The following SMARCAD1 variants were observed in gnomAD, a reference collection of about 807,000 sequenced individuals.
SMARCAD1 encodes the protein SNF2 related chromatin remodeling ATPase with DExD box 1, also known as SWI/SNF-related matrix-associated actin-dependent regulator of chromatin subfamily A containing DEAD/H box 1.
Under a neutral mutation model 127.1 loss-of-function variants are expected in SMARCAD1, and 25 were observed. That is an observed-to-expected ratio of 0.20 (90% confidence interval 0.14 to 0.27). The LOEUF (loss-of-function observed/expected upper bound fraction) is 0.27, where lower values mean the gene tolerates loss of function less well. SMARCAD1 is among the 10% of genes least tolerant of loss of function. SMARCAD1 has a pLI of 1.00. For missense variants in SMARCAD1, 807 were observed against 1,206.0 expected (o/e 0.67, Z 4.90); for synonymous variants, 400 against 396.9 (o/e 1.01, Z -0.09).
intron 2 of SMARCAD1, among the ~76,000 whole-genome samples, chr4:94,220,155 TAAAC>T (rs1419666465): frequency 6.6e-6 from 1 of 152,228 alleles, no homozygotes; most frequent in Non-Finnish European, 1.5e-5. Flanking sequence ...ATAGTCCAGA[TAAAC>T]AAATCTAAGT....
In SMARCAD1 at chr4:94,239,536, C is replaced by T. The variant is rs74464412; in HGVS notation, c.605-1370C>T. 3.3e-3 allele frequency among the ~76,000 whole-genome samples: 488 copies of T among 149,690 alleles called. 1 individual carries two copies. The highest frequency in any genetic ancestry group is 0.011 in the African/African-American group (461 of 40,888). On this transcript the variant is annotated intron_variant, in intron 5 of 23. Coordinates refer to ENST00000354268, the MANE Select transcript of SMARCAD1 (RefSeq NM_020159.5). The stretch of plus-strand genomic sequence containing the variant: ...AGAGTACGAATTTATTGATGTTGTC[C>T]GGAGTCTCTCTAGCTGCCCTGTTGT...
At chr4:94,231,072 G>A (rs1364119646) in intron 3 of SMARCAD1, among the ~76,000 whole-genome samples, 1 of 152,138 alleles carries the variant, frequency 6.6e-6, no homozygotes, top group Non-Finnish European at 1.5e-5. Flanking sequence ...GTTGTTGTGC[G>A]AAAGATGTAA....
intron 23 of SMARCAD1, among the ~76,000 whole-genome samples, chr4:94,288,272 T>G (rs976661675): frequency 6.6e-6 from 1 of 152,180 alleles, no homozygotes; most frequent in East Asian, 1.9e-4. Context: ...CTTAATGTCT[T>G]TTATAGCTTT....
At chr4:94,245,077 C>G (rs1333977358) in intron 6 of SMARCAD1, among the ~76,000 whole-genome samples, 1 of 152,040 alleles carries the variant, frequency 6.6e-6, no homozygotes, top group Non-Finnish European at 1.5e-5. Context: ...CAGAAAATTG[C>G]CTTTGACTTG....
chr4:94,279,113 G>C, intron 19 of SMARCAD1, 63 bp downstream of exon 19: 1 of 1,606,384 alleles, frequency 6.2e-7, no homozygotes, highest in Non-Finnish European at 8.5e-7. Context: ...TAGGCTATAA[G>C]ATTGGTGAAC....
intron 6 of SMARCAD1, among the ~76,000 whole-genome samples, chr4:94,242,758 A>AAAT (rs1553916481): frequency 1.3e-5 from 2 of 150,266 alleles, no homozygotes; most frequent in African/African-American, 2.5e-5. Context: ...AAAAAAAAAA[A>AAAT]TTTTTTTAAT....
chr4:94,274,027 G>A (rs1403094357), intron 12 of SMARCAD1, among the ~76,000 whole-genome samples: 2 of 152,146 alleles, frequency 1.3e-5, no homozygotes, highest in Non-Finnish European at 2.9e-5. Context: ...ACTTTTAAAT[G>A]TAGAATTAAA....
intron 6 of SMARCAD1, among the ~76,000 whole-genome samples, chr4:94,247,969 G>A (rs1474375986): frequency 6.6e-6 from 1 of 152,074 alleles, no homozygotes; most frequent in Non-Finnish European, 1.5e-5. Flanking sequence ...GTACTCCATA[G>A]GTAGTTTTCC....
Position 94,207,965 on chromosome 4 carries a change from T to G in SMARCAD1, c.-155T>G. 2.8e-6 allele frequency: 1 copy of G among 363,150 alleles called. No homozygotes were observed. Among genetic ancestry groups the G allele is most frequent in the South Asian group, 2.1e-5 (1 of 48,080 alleles). 22.5% of individuals were successfully genotyped at this position (363,150 alleles called of 1,614,324 possible). The stretch of plus-strand genomic sequence containing the variant: ...GTGTCGAGGCGCGGGCCCTGGCAGG[T>G]CCTTTCTCGAGGCAGGGGGCACGGT... On this transcript the variant is annotated 5_prime_UTR_variant, in exon 1 of 24. Transcript: ENST00000354268.
At chr4:94,255,755 G>GCACATTACCCACAA (rs1418187146) in intron 9 of SMARCAD1, among the ~76,000 whole-genome samples, 8 of 132,264 alleles carry the variant, frequency 6.0e-5, no homozygotes, top group South Asian at 2.7e-4. Flanking sequence ...TTTTTTTAAA[G>GCACATTACCCACAA]TATATTACCT....
chr4:94,236,468 A>C (rs1478804395), intron 4 of SMARCAD1, among the ~76,000 whole-genome samples: 1 of 152,132 alleles, frequency 6.6e-6, no homozygotes, highest in African/African-American at 2.4e-5. Context: ...GAGCAGTATT[A>C]GATTTTTTTA....
chr4:94,224,930 C>G (rs1744765930), intron 2 of SMARCAD1, among the ~76,000 whole-genome samples: 1 of 152,112 alleles, frequency 6.6e-6, no homozygotes, highest in African/African-American at 2.4e-5. Context: ...AACCTTTGAA[C>G]TAAAGATTCA....
chr4:94,234,856 A>G (rs1325194406), intron 4 of SMARCAD1, among the ~76,000 whole-genome samples: 2 of 152,218 alleles, frequency 1.3e-5, no homozygotes, highest in African/African-American at 2.4e-5. Context: ...AGGAGTTACC[A>G]TATCTGTATG....
At chr4:94,274,855 T>C in intron 13 of SMARCAD1, 35 bp from the exon 14 acceptor site, 1 of 1,603,414 alleles carries the variant, frequency 6.2e-7, no homozygotes, top group Non-Finnish European at 8.5e-7. Context: ...TACAGCACAA[T>C]AAATAGTCAT....
At chr4:94,215,224 T>C (rs1742977689) in intron 2 of SMARCAD1, among the ~76,000 whole-genome samples, 1 of 152,172 alleles carries the variant, frequency 6.6e-6, no homozygotes, top group South Asian at 2.1e-4. Context: ...TTAATGTTAA[T>C]TGAAAAGCAA....
chr4:94,259,022 G>A (rs1456005740), intron 9 of SMARCAD1, among the ~76,000 whole-genome samples: 9 of 152,110 alleles, frequency 5.9e-5, no homozygotes, highest in African/African-American at 2.2e-4. Flanking sequence ...TTTTAAATCA[G>A]ATTTATGGCT....
At chr4:94,244,266 G>A (rs1269021787) in intron 6 of SMARCAD1, among the ~76,000 whole-genome samples, 1 of 152,158 alleles carries the variant, frequency 6.6e-6, no homozygotes, top group Non-Finnish European at 1.5e-5. Context: ...TGCTAGTAGT[G>A]GTTGCTTTAA....
At chr4:94,285,649 A>G (rs1015812911) in intron 23 of SMARCAD1, among the ~76,000 whole-genome samples, 4 of 152,228 alleles carry the variant, frequency 2.6e-5, no homozygotes, top group Admixed American at 6.5e-5. Flanking sequence ...GTAAAAATCA[A>G]TATACTTTAA....
chr4:94,227,880 G>A lies in SMARCAD1; in HGVS notation c.368+1584G>A, dbSNP rs544753993. On this transcript the variant is annotated intron_variant, in intron 3 of 23. Coordinates refer to ENST00000354268, the MANE Select transcript of SMARCAD1 (RefSeq NM_020159.5). The stretch of plus-strand genomic sequence containing the variant: ...ATGATCAGATGAAATCAGTGTAAGG[G>A]ACACTAGTATAGTATAGCTGAAGAA... 8.5e-4 allele frequency among the ~76,000 whole-genome samples: 130 copies of A among 152,232 alleles called. 1 individual carries two copies. The highest frequency in any genetic ancestry group is 1.6e-3 in the Non-Finnish European group (107 of 68,010).
Sources: gnomAD v4.1 joint callset for allele counts (sites outside exome capture counted in the v4.1 genomes callset) on GRCh38, gnomAD v4.1.1 for gene constraint, MANE v1.5 for transcripts, NCBI Gene and HGNC (gene_info 2026-07-23, HGNC 2026-07-21) for gene names.